Variants in RBFOX1 observed in about 807,000 individuals in gnomAD.
The protein encoded by RBFOX1 is RNA binding protein fox-1 homolog 1.
Under a neutral mutation model 57.7 loss-of-function variants are expected in RBFOX1, and 8 were observed. The observed-to-expected ratio is 0.14, with a 90% CI of 0.08 to 0.25. The LOEUF is 0.25. RBFOX1 is among the 10% of genes least tolerant of loss of function. The probability of loss-of-function intolerance (pLI) is 1.00; values close to 1 mark genes in which losing one functional copy is unlikely to be tolerated. For missense variants in RBFOX1, 611 were observed against 548.5 expected, an observed-to-expected ratio of 1.11 and a Z score of -1.14; for synonymous variants, 326 against 222.4, an observed-to-expected ratio of 1.47 and a Z score of -4.15.
chr16:6,155,601 G>C (rs184272047), intron 1 of RBFOX1, among the ~76,000 whole-genome samples: 1 of 152,290 alleles, frequency 6.6e-6, no homozygotes, highest in East Asian at 1.9e-4. Context: ...CTGCGCAGTG[G>C]CCTATGTAAA....
At chr16:6,371,193 A>G (rs1371282009) in intron 2 of RBFOX1, among the ~76,000 whole-genome samples, 1 of 152,144 alleles carries the variant, frequency 6.6e-6, no homozygotes, top group Non-Finnish European at 1.5e-5. Flanking sequence ...GGTGGGAGGA[A>G]TGGTTTTAGA....
At chr16:5,341,206 A>G (rs1351982247) in intron 1 of RBFOX1, among the ~76,000 whole-genome samples, 2 of 152,178 alleles carry the variant, frequency 1.3e-5, no homozygotes, top group African/African-American at 4.8e-5. Flanking sequence ...CAGATTGTGC[A>G]GGACATTTTA....
At chr16:6,558,709 G>A (rs74008206) in intron 2 of RBFOX1, among the ~76,000 whole-genome samples, 1 of 151,670 alleles carries the variant, frequency 6.6e-6, no homozygotes, top group Non-Finnish European at 1.5e-5. Context: ...CATTCCCTCC[G>A]TCCGTCCCAC....
chr16:7,359,959 G>C (rs1405220291), intron 4 of RBFOX1, among the ~76,000 whole-genome samples: 1 of 151,736 alleles, frequency 6.6e-6, no homozygotes, highest in Non-Finnish European at 1.5e-5. Context: ...ACTCCAGCCT[G>C]GGTGACAGAG....
intron 2 of RBFOX1, among the ~76,000 whole-genome samples, chr16:6,554,646 C>T (rs1010632726): frequency 1.3e-5 from 2 of 152,098 alleles, no homozygotes; most frequent in South Asian, 2.1e-4. Context: ...CTTGTACTCT[C>T]CTGATTTGTG....
chr16:7,507,791 C>G (rs1355732049), intron 4 of RBFOX1, among the ~76,000 whole-genome samples: 1 of 151,976 alleles, frequency 6.6e-6, no homozygotes, highest in African/African-American at 2.4e-5. Context: ...TCTCGATGTC[C>G]TGACGTCGTG....
chr16:6,504,331 C>G (rs186064568), intron 2 of RBFOX1, among the ~76,000 whole-genome samples: 1 of 152,154 alleles, frequency 6.6e-6, no homozygotes, highest in Non-Finnish European at 1.5e-5. Context: ...CTTCACATTC[C>G]CCTGCCCTTC....
At chr16:5,757,297 T>A (rs540005552) in intron 3 of RBFOX1, among the ~76,000 whole-genome samples, 2 of 148,142 alleles carry the variant, frequency 1.4e-5, no homozygotes, top group South Asian at 4.4e-4. Flanking sequence ...AGTGGTGCAA[T>A]CTTGGTTCAC....
intron 3 of RBFOX1, among the ~76,000 whole-genome samples, chr16:5,803,887 C>T (rs1008865972): frequency 6.6e-6 from 1 of 152,152 alleles, no homozygotes; most frequent in Admixed American, 6.5e-5. Flanking sequence ...AGTAATCAGA[C>T]TTCCACACCT....
chr16:5,244,739 C>T (rs1199786995), intron 1 of RBFOX1, among the ~76,000 whole-genome samples: 6 of 152,228 alleles, frequency 3.9e-5, no homozygotes, highest in Non-Finnish European at 8.8e-5. Flanking sequence ...GGGAAGTTCT[C>T]GCATCCCCCT....
chr16:7,083,388 CAAA>C (rs984712127), intron 4 of RBFOX1, among the ~76,000 whole-genome samples: 14 of 151,980 alleles, frequency 9.2e-5, no homozygotes, highest in Admixed American at 4.6e-4. Context: ...TGAATGGGTG[CAAA>C]CTGAGCAGAG....
chr16:7,048,765 C>G (rs867144437), intron 3 of RBFOX1, among the ~76,000 whole-genome samples: 3 of 152,090 alleles, frequency 2.0e-5, no homozygotes, highest in African/African-American at 7.2e-5. Flanking sequence ...TTCTTGGTTC[C>G]TAGTATGCTA....
rs182241060 is a variant in RBFOX1 at position 6,674,785 on chromosome 16, T to C, written c.-16+20135T>C. On this transcript the variant is annotated intron_variant, in intron 3 of 15. Transcript: ENST00000550418. ...GAAGCTACAAGAGGCAAGGAAGGAT[T>C]CTTTCCTAGAGTCCCCAGAGAAAAC... Among the ~76,000 whole-genome samples, 8 of 152,310 alleles carry C rather than the reference T, an allele frequency of 5.3e-5. No individual in the cohort carries two copies. The East Asian group carries it at 1.4e-3, about 26-fold the overall frequency.
chr16:5,924,670 C>T (rs117565387), intron 4 of RBFOX1, among the ~76,000 whole-genome samples: 2,769 of 152,242 alleles, frequency 0.018, 43 homozygotes, highest in Non-Finnish European at 0.028. Flanking sequence ...GCTAAATAAA[C>T]TTCTTTTCAT....
At chr16:6,964,120 C>T (rs968435852) in intron 3 of RBFOX1, among the ~76,000 whole-genome samples, 8 of 152,078 alleles carry the variant, frequency 5.3e-5, no homozygotes, top group Admixed American at 3.3e-4. Context: ...CCGAATCAAG[C>T]GATTCTCCTG....
chr16:7,346,096 C>T (rs554741156), intron 4 of RBFOX1, among the ~76,000 whole-genome samples: 11 of 152,190 alleles, frequency 7.2e-5, no homozygotes, highest in East Asian at 1.9e-4. Flanking sequence ...TTTGTCCTTG[C>T]GATAGTTTGC....
At chr16:6,279,715 A>C (rs754227285) in intron 1 of RBFOX1, among the ~76,000 whole-genome samples, 39 of 152,184 alleles carry the variant, frequency 2.6e-4, no homozygotes, top group Non-Finnish European at 4.7e-4. Flanking sequence ...TGTTGATGTC[A>C]GGGCTTGGTT....
At chr16:7,253,444 C>A (rs4347647) in intron 4 of RBFOX1, among the ~76,000 whole-genome samples, 36,776 of 152,004 alleles carry the variant, frequency 0.24, 5,124 homozygotes, top group Middle Eastern at 0.41. Context: ...AGGGTAAAGT[C>A]TGAGTTCCCA....
At chr16:7,013,406 A>G (rs1016913089) in intron 3 of RBFOX1, among the ~76,000 whole-genome samples, 1 of 152,202 alleles carries the variant, frequency 6.6e-6, no homozygotes, top group African/African-American at 2.4e-5. Flanking sequence ...AGAACATGTG[A>G]CAATGTCTGG....
Sources: allele counts gnomAD v4.1 joint callset (sites outside exome capture counted in the v4.1 genomes callset), GRCh38; gene constraint gnomAD v4.1.1; transcripts MANE v1.5; gene names NCBI Gene and HGNC (gene_info 2026-07-23, HGNC 2026-07-21).